The following FRAS1 variants were observed in gnomAD, a reference collection of about 807,000 sequenced individuals.
The protein encoded by FRAS1 is extracellular matrix organizing protein FRAS1.
Under a neutral mutation model 435.2 loss-of-function variants are expected in FRAS1, and 290 were observed. That is an observed-to-expected ratio of 0.67 (90% CI 0.61 to 0.73). The LOEUF is 0.73. FRAS1 is among the 30% of genes least tolerant of loss of function. The probability of loss-of-function intolerance (pLI) is 0.00; values close to 1 mark genes in which losing one functional copy is unlikely to be tolerated. For synonymous variants in FRAS1, 1,800 were observed against 1,851.0 expected (o/e 0.97, Z 0.71); for missense variants, 4,860 against 5,001.5 (o/e 0.97, Z 0.85).
At chr4:78,269,168 C>T (rs543526474) in intron 9 of FRAS1, among the ~76,000 whole-genome samples, 3 of 152,316 alleles carry the variant, frequency 2.0e-5, no homozygotes, top group East Asian at 1.9e-4. Flanking sequence ...TTCCTAACTT[C>T]GGCTTAGCTT....
At chr4:78,400,939 G>C in intron 30 of FRAS1, 52 bp downstream of exon 30, 2 of 1,577,316 alleles carry the variant, frequency 1.3e-6, no homozygotes, top group Middle Eastern at 1.7e-4. Context: ...AGCAGTCTAG[G>C]GTTTGCTACT....
Position 78,450,272 on chromosome 4 carries a change from T to C in FRAS1, c.6396T>C (p.His2132=), listed in dbSNP as rs1053117579. The C allele has an allele frequency of 1.2e-5, 20 of 1,613,784 alleles. No homozygotes were observed. Among genetic ancestry groups the C allele is most frequent in the Non-Finnish European group, 1.7e-5 (20 of 1,179,832 alleles). The change falls in exon 45 of 74, where the codon CAT becomes CAC. Residue 2132 remains histidine (H), a synonymous_variant. Coordinates refer to ENST00000512123, the MANE Select transcript of FRAS1 (RefSeq NM_025074.7). ...CAGGGCGCCTGCAGATGATGAAGCA[T>C]GGCAACCTGGAGCAAATTTCTATTA... ...PGAGRLQMMK[H]GNLEQISIKG...
intron 6 of FRAS1, among the ~76,000 whole-genome samples, chr4:78,262,154 T>G (rs867687913): frequency 6.6e-6 from 1 of 152,306 alleles, no homozygotes; most frequent in South Asian, 2.1e-4. Flanking sequence ...CCAGCCCTCT[T>G]ATCTTCTGAT....
Position 78,128,901 on chromosome 4 carries a change from G to C in FRAS1, c.108+62885G>C, listed in dbSNP as rs1245195685. On this transcript the variant is annotated intron_variant, in intron 2 of 73. Coordinates refer to ENST00000512123, the MANE Select transcript of FRAS1 (RefSeq NM_025074.7). ...TTATGGTTTTAGGTCTACCATTTAA[G>C]TCTTTAATCCATCTTGAATTAATTT... Among the ~76,000 whole-genome samples the C allele has an allele frequency of 2.6e-5, 4 of 152,190 alleles. No homozygotes were observed. The East Asian group carries it at 7.7e-4, about 29-fold the overall frequency.
intron 29 of FRAS1, among the ~76,000 whole-genome samples, chr4:78,392,193 G>A (rs1732472801): frequency 6.6e-6 from 1 of 152,026 alleles, no homozygotes; most frequent in South Asian, 2.1e-4. Flanking sequence ...CTTTATGCTG[G>A]TAAATTTCAC....
intron 52 of FRAS1, 93 bp from the exon 53 acceptor site, chr4:78,473,345 A>T: frequency 1.0e-6 from 1 of 986,938 alleles, no homozygotes; most frequent in Non-Finnish European, 1.5e-6. Context: ...TCTGTAATAC[A>T]TTAGAAGAAT....
intron 2 of FRAS1, among the ~76,000 whole-genome samples, chr4:78,205,052 TG>T (rs1275832507): frequency 6.6e-6 from 1 of 152,018 alleles, no homozygotes; most frequent in Non-Finnish European, 1.5e-5. Context: ...GAGCTTGAGG[TG>T]GGAATAGGAG....
At chr4:78,122,463 CTGAT>C (rs1212486266) in intron 2 of FRAS1, among the ~76,000 whole-genome samples, 1 of 152,158 alleles carries the variant, frequency 6.6e-6, no homozygotes, top group African/African-American at 2.4e-5. Flanking sequence ...TTATCATAGA[CTGAT>C]TTGTAATCCT....
chr4:78,201,920 G>A (rs1270035078), intron 2 of FRAS1, among the ~76,000 whole-genome samples: 3 of 152,168 alleles, frequency 2.0e-5, no homozygotes, highest in African/African-American at 4.8e-5. Flanking sequence ...TCCATGCCTT[G>A]TTGCGTTTAT....
At chr4:78,171,591 C>T (rs903373900) in intron 2 of FRAS1, among the ~76,000 whole-genome samples, 5 of 152,166 alleles carry the variant, frequency 3.3e-5, no homozygotes, top group Admixed American at 6.5e-5. Flanking sequence ...ACAGCTTCCA[C>T]GGGGACTCCC....
At chr4:78,279,690 A>C (rs1054460622) in intron 10 of FRAS1, among the ~76,000 whole-genome samples, 6 of 152,204 alleles carry the variant, frequency 3.9e-5, no homozygotes, top group Non-Finnish European at 8.8e-5. Flanking sequence ...ATTTATCTTA[A>C]TCTTTTCAAA....
intron 2 of FRAS1, among the ~76,000 whole-genome samples, chr4:78,154,755 T>G (rs1720811175): frequency 6.6e-6 from 1 of 152,204 alleles, no homozygotes. Context: ...ACTGGAAATC[T>G]TAGCAGTTGG....
At chr4:78,167,812 G>T (rs1000384747) in intron 2 of FRAS1, among the ~76,000 whole-genome samples, 2 of 152,002 alleles carry the variant, frequency 1.3e-5, no homozygotes, top group Non-Finnish European at 2.9e-5. Flanking sequence ...GACACAGTGG[G>T]TAGTCATGGT....
In FRAS1 at chr4:78,375,889, T is replaced by G; in HGVS notation, c.3292+10T>G. 1 of 1,613,648 alleles carries G rather than the reference T, an allele frequency of 6.2e-7. No individual in the cohort carries two copies. Among genetic ancestry groups the G allele is most frequent in the Non-Finnish European group, 8.5e-7 (1 of 1,179,652 alleles). ...AATGAAACATGTTCTGGTAAGTGCT[T>G]CTCCTCAGATGGTCTGGTGAATTTA... is the stretch of plus-strand genomic sequence containing the variant. On this transcript the variant is annotated intron_variant, in intron 26 of 73. Transcript: ENST00000512123.
intron 10 of FRAS1, among the ~76,000 whole-genome samples, chr4:78,279,513 T>C (rs1727220079): frequency 6.6e-6 from 1 of 152,046 alleles, no homozygotes; most frequent in African/African-American, 2.4e-5. Flanking sequence ...AATGGTGGCT[T>C]GGTCTAGGCA....
In FRAS1 at chr4:78,364,009, A is replaced by G. The variant is rs879668910; in HGVS notation, c.2677A>G (p.Thr893Ala). Reference sequence around the variant, plus strand: ...GTCCCACACTGGCACCTGCAGCACCACCTGCTTCCCTGGGCACTATCTTGA... The same window carrying G: ...GTCCCACACTGGCACCTGCAGCACCGCCTGCTTCCCTGGGCACTATCTTGA... ...VLSHTGTCST[T>A]CFPGHYLDDN... Residue 893 changes from threonine to alanine, a missense_variant, in exon 22 of 74, where the codon ACC (threonine) becomes GCC (alanine). Coordinates refer to ENST00000512123, the MANE Select transcript of FRAS1 (RefSeq NM_025074.7). 3.7e-6 allele frequency: 6 copies of G among 1,605,758 alleles called. No homozygotes were observed. The highest frequency in any genetic ancestry group is 4.3e-6 in the Non-Finnish European group (5 of 1,175,910).
At chr4:78,289,025 A>G (rs1727755257) in intron 14 of FRAS1, among the ~76,000 whole-genome samples, 1 of 152,218 alleles carries the variant, frequency 6.6e-6, no homozygotes, top group Non-Finnish European at 1.5e-5. Flanking sequence ...TTATTGGCCC[A>G]TTAAAACCCA....
Position 78,475,611 on chromosome 4 carries a change from G to C in FRAS1, c.7851+5G>C. The stretch of plus-strand genomic sequence containing the variant: ...TATGTAGAGTATGCTGGCCAGGTAG[G>C]TGGGGTAGTGGGGTTGGGGGAGGCT... On this transcript the variant is annotated splice_donor_5th_base_variant and intron_variant, in intron 54 of 73. Coordinates refer to ENST00000512123, the MANE Select transcript of FRAS1 (RefSeq NM_025074.7). The C allele has an allele frequency of 6.5e-7, 1 of 1,545,636 alleles. No individual in the cohort carries two copies. Among genetic ancestry groups the C allele is most frequent in the Non-Finnish European group, 8.8e-7 (1 of 1,139,052 alleles).
chr4:78,065,058 GTATATA>G lies in FRAS1; in HGVS notation c.77-906_77-901del, dbSNP rs34023994. Among the ~76,000 whole-genome samples, 379 of 119,886 alleles carry G rather than the reference GTATATA, an allele frequency of 3.2e-3. 4 individuals are homozygous for G. Among genetic ancestry groups the G allele is most frequent in the Middle Eastern group, 8.9e-3 (2 of 224 alleles). 78.6% of individuals were successfully genotyped at this position (119,886 alleles called of 152,430 possible). On this transcript the variant is annotated intron_variant, in intron 1 of 73. Coordinates refer to ENST00000512123, the MANE Select transcript of FRAS1 (RefSeq NM_025074.7). ...TAAGTTAAGATTTCAGTTTTATAGT[GTATATA>G]TATATATATATATATATATACATAC... is the stretch of plus-strand genomic sequence containing the variant.
Sources: gnomAD v4.1 joint callset for allele counts (sites outside exome capture counted in the v4.1 genomes callset) on GRCh38, gnomAD v4.1.1 for gene constraint, MANE v1.5 for transcripts, NCBI Gene and HGNC (gene_info 2026-07-23, HGNC 2026-07-21) for gene names.